Variants in TMTC2 observed in about 807,000 individuals in gnomAD.
TMTC2 encodes transmembrane O-mannosyltransferase targeting cadherins 2.
Under a neutral mutation model 82.4 loss-of-function variants are expected in TMTC2, and 43 were observed. The observed-to-expected ratio is 0.52, with a 90% CI of 0.41 to 0.67. The LOEUF (loss-of-function observed/expected upper bound fraction) is 0.67. TMTC2 is among the 30% of genes least tolerant of loss of function. The pLI, the probability that TMTC2 is intolerant of heterozygous loss-of-function variation, is 0.00. For synonymous variants in TMTC2, 408 were observed against 381.9 expected (o/e 1.07, Z -0.80); for missense variants, 919 against 1,012.4 (o/e 0.91, Z 1.25).
intron 8 of TMTC2, among the ~76,000 whole-genome samples, chr12:83,001,981 G>A (rs1879947530): frequency 6.6e-6 from 1 of 152,194 alleles, no homozygotes; most frequent in Non-Finnish European, 1.5e-5. Context: ...GTATCAGAAT[G>A]ATGCTGGCTT....
intron 11 of TMTC2, among the ~76,000 whole-genome samples, chr12:83,109,867 C>G (rs878113): frequency 0.36 from 54,643 of 151,994 alleles, 10,134 homozygotes; most frequent in East Asian, 0.62. Flanking sequence ...TTTACTTTTT[C>G]TTTATTCTTT....
chr12:82,726,071 A>G (rs534376167), intron 1 of TMTC2, among the ~76,000 whole-genome samples: 13 of 152,302 alleles, frequency 8.5e-5, no homozygotes, highest in African/African-American at 3.1e-4. Context: ...TTGCAGGGCC[A>G]TTTCAAAATA....
Position 82,798,739 on chromosome 12 carries a change from G to A in TMTC2, c.84-58271G>A, listed in dbSNP as rs555063673. ...GGAGAATCGCTTGAACCCGGAAGGC[G>A]GAGGTTGTATTGAGCTGAGATCACA... On this transcript the variant is annotated intron_variant, in intron 1 of 11. Transcript: ENST00000321196. 3.4e-5 allele frequency among the ~76,000 whole-genome samples: 5 copies of A among 146,614 alleles called. No homozygotes were observed. The East Asian group carries it at 6.1e-4, about 18-fold the overall frequency.
chr12:82,787,711 C>G (rs934325973), intron 1 of TMTC2, among the ~76,000 whole-genome samples: 1 of 152,020 alleles, frequency 6.6e-6, no homozygotes, highest in African/African-American at 2.4e-5. Flanking sequence ...GAGTTTGAGA[C>G]CAGCCTGGCC....
chr12:82,967,858 C>G lies in TMTC2; in HGVS notation c.1948+861C>G, dbSNP rs867288012. On this transcript the variant is annotated intron_variant, in intron 7 of 11. Coordinates refer to ENST00000321196, the MANE Select transcript of TMTC2 (RefSeq NM_152588.3). ...AGTTGTTTAATATTTCTAGTCCTCT[C>G]TCATGCATATAAAATAAATGAGATT... Among the ~76,000 whole-genome samples the G allele has an allele frequency of 5.9e-5, 9 of 152,182 alleles. No homozygotes were observed. In the Middle Eastern group the frequency reaches 0.01, roughly 173 times the overall value.
At chr12:82,746,382 G>C (rs887086643) in intron 1 of TMTC2, among the ~76,000 whole-genome samples, 2 of 152,062 alleles carry the variant, frequency 1.3e-5, no homozygotes, top group Non-Finnish European at 2.9e-5. Flanking sequence ...CACTGTGCAT[G>C]TTTTTGTCTA....
chr12:82,978,487 T>A (rs1238407559), intron 7 of TMTC2, among the ~76,000 whole-genome samples: 1 of 151,872 alleles, frequency 6.6e-6, no homozygotes, highest in African/African-American at 2.4e-5. Flanking sequence ...CGTGTGTGTG[T>A]GTGTAGTTTT....
intron 11 of TMTC2, among the ~76,000 whole-genome samples, chr12:83,130,616 C>CAT (rs1885230866): frequency 6.6e-6 from 1 of 152,106 alleles, no homozygotes; most frequent in African/African-American, 2.4e-5. Flanking sequence ...TATCCAGAGA[C>CAT]ATATGTAGCT....
At chr12:82,706,648 A>C (rs7294890) in intron 1 of TMTC2, among the ~76,000 whole-genome samples, 23,579 of 152,228 alleles carry the variant, frequency 0.15, 2,082 homozygotes, top group East Asian at 0.35. Flanking sequence ...GTATTTTAAA[A>C]AGTTAAGAAC....
At chr12:82,844,380 A>G (rs1870513005) in intron 1 of TMTC2, among the ~76,000 whole-genome samples, 1 of 152,236 alleles carries the variant, frequency 6.6e-6, no homozygotes, top group Non-Finnish European at 1.5e-5. Context: ...TAGAGAGTAT[A>G]TTTGGATAAT....
chr12:83,122,130 C>G (rs779226467), intron 11 of TMTC2, among the ~76,000 whole-genome samples: 1 of 151,822 alleles, frequency 6.6e-6, no homozygotes, highest in African/African-American at 2.4e-5. Context: ...AGTGGCCAAG[C>G]AGGGCTGAGA....
In TMTC2 at chr12:82,855,897, C is replaced by A. The variant is rs558198541; in HGVS notation, c.84-1113C>A. 5.9e-4 allele frequency among the ~76,000 whole-genome samples: 90 copies of A among 152,296 alleles called. 1 individual carries two copies. In the South Asian group the frequency reaches 0.017, roughly 29 times the overall value. ...ATGAATATAACCATTACAGTTTTTA[C>A]AAAGTGCAGACATCTTTTTACATGT... On this transcript the variant is annotated intron_variant, in intron 1 of 11. Coordinates refer to ENST00000321196, the MANE Select transcript of TMTC2 (RefSeq NM_152588.3).
intron 1 of TMTC2, among the ~76,000 whole-genome samples, chr12:82,741,007 C>T (rs990321946): frequency 6.6e-5 from 10 of 152,208 alleles, no homozygotes; most frequent in African/African-American, 2.2e-4. Flanking sequence ...CCCAGCGCTC[C>T]TCAGCCTTTA....
chr12:83,104,821 T>C (rs768586820), intron 11 of TMTC2, among the ~76,000 whole-genome samples: 1 of 152,234 alleles, frequency 6.6e-6, no homozygotes, highest in Non-Finnish European at 1.5e-5. Flanking sequence ...AAAAGCTTTT[T>C]CTTTTTCTTT....
intron 3 of TMTC2, among the ~76,000 whole-genome samples, chr12:82,919,097 G>C (rs762040168): frequency 1.6e-4 from 24 of 152,262 alleles, no homozygotes; most frequent in South Asian, 2.1e-4. Flanking sequence ...CATGTATTTG[G>C]CTCACAGTTT....
chr12:82,794,834 A>G (rs928764053), intron 1 of TMTC2, among the ~76,000 whole-genome samples: 86 of 152,122 alleles, frequency 5.7e-4, no homozygotes, highest in African/African-American at 2.1e-3. Context: ...TTATCATGGG[A>G]TCCTTGTGGA....
intron 1 of TMTC2, among the ~76,000 whole-genome samples, chr12:82,770,879 G>A (rs1238182925): frequency 6.6e-6 from 1 of 152,072 alleles, no homozygotes; most frequent in Admixed American, 6.5e-5. Context: ...AGTACCAAAT[G>A]TCTCGATCAC....
In TMTC2 at chr12:82,864,063, A is replaced by T. The variant is rs563870243; in HGVS notation, c.654+6483A>T. On this transcript the variant is annotated intron_variant, in intron 2 of 11. Transcript: ENST00000321196. ...ATTTGTAACTGGAGAGGTGAGGAAG[A>T]GTAAAGGGTACAGCATGAGCATTAC... 1.6e-4 allele frequency among the ~76,000 whole-genome samples: 24 copies of T among 152,222 alleles called. No individual in the cohort carries two copies. In the South Asian group the frequency reaches 5.0e-3, roughly 32 times the overall value.
intron 4 of TMTC2, among the ~76,000 whole-genome samples, chr12:82,951,390 A>G (rs1041165899): frequency 2.6e-5 from 4 of 152,224 alleles, no homozygotes; most frequent in East Asian, 1.9e-4. Flanking sequence ...TCCCGGGTTC[A>G]AGCAGTTCTC....
Sources: allele counts gnomAD v4.1 joint callset (sites outside exome capture counted in the v4.1 genomes callset), GRCh38; gene constraint gnomAD v4.1.1; transcripts MANE v1.5; gene names NCBI Gene and HGNC (gene_info 2026-07-23, HGNC 2026-07-21).